IGSF21: variants seen among roughly 807,000 people sequenced by gnomAD.
The protein encoded by IGSF21 is immunoglobin superfamily member 21.
In IGSF21, 28 loss-of-function variants were observed where a neutral mutation model predicts 46.8. The ratio of observed to expected loss-of-function variants is 0.60; its 90% CI spans 0.44 to 0.82. IGSF21 has a LOEUF of 0.82. IGSF21 is among the 40% of genes least tolerant of loss of function. IGSF21 has a pLI of 0.00. For synonymous variants in IGSF21, 284 were observed against 273.6 expected, an observed-to-expected ratio of 1.04 and a Z score of -0.38; for missense variants, 624 against 665.5, an observed-to-expected ratio of 0.94 and a Z score of 0.69.
chr1:18,312,713 G>A (rs922363036), intron 3 of IGSF21, among the ~76,000 whole-genome samples: 2 of 152,166 alleles, frequency 1.3e-5, no homozygotes, highest in African/African-American at 4.8e-5. Flanking sequence ...GATCCTTGTG[G>A]GTAGTCCAGG....
At chr1:18,218,198 A>G (rs1056387480) in intron 1 of IGSF21, among the ~76,000 whole-genome samples, 1 of 152,200 alleles carries the variant, frequency 6.6e-6, no homozygotes, top group Non-Finnish European at 1.5e-5. Flanking sequence ...GGTGAAGGGG[A>G]AGCAGGCACA....
At chr1:18,146,810 T>G (rs922454362) in intron 1 of IGSF21, among the ~76,000 whole-genome samples, 1 of 152,122 alleles carries the variant, frequency 6.6e-6, no homozygotes, top group Non-Finnish European at 1.5e-5. Context: ...TCTATCTTAA[T>G]TGATCCTCAT....
chr1:18,141,412 C>T (rs1041283088), intron 1 of IGSF21, among the ~76,000 whole-genome samples: 8 of 152,204 alleles, frequency 5.3e-5, no homozygotes, highest in Non-Finnish European at 7.3e-5. Context: ...AAAGAAGGAA[C>T]TTCCCACTTT....
chr1:18,279,578 G>A (rs1475088993), intron 2 of IGSF21, among the ~76,000 whole-genome samples: 2 of 152,200 alleles, frequency 1.3e-5, no homozygotes, highest in Non-Finnish European at 1.5e-5. Flanking sequence ...CCCAGAGAGG[G>A]AATGCAAATT....
At chr1:18,139,674 A>G (rs1017060759) in intron 1 of IGSF21, among the ~76,000 whole-genome samples, 3 of 152,178 alleles carry the variant, frequency 2.0e-5, no homozygotes, top group Admixed American at 2.0e-4. Context: ...CCTAGGCCTC[A>G]TTATCTGGAT....
At chr1:18,199,984 GC>G (rs1172289837) in intron 1 of IGSF21, among the ~76,000 whole-genome samples, 8 of 152,108 alleles carry the variant, frequency 5.3e-5, no homozygotes, top group African/African-American at 1.9e-4. Context: ...GTCCAAGGGG[GC>G]TCTGGGGATC....
chr1:18,346,802 G>A (rs1318024576), intron 4 of IGSF21, among the ~76,000 whole-genome samples: 3 of 152,214 alleles, frequency 2.0e-5, no homozygotes, highest in Non-Finnish European at 1.5e-5. Flanking sequence ...TGGCTGTGCT[G>A]AGCTACCAAA....
intron 2 of IGSF21, among the ~76,000 whole-genome samples, chr1:18,278,167 A>C (rs1379834690): frequency 6.6e-6 from 1 of 151,962 alleles, no homozygotes; most frequent in East Asian, 1.9e-4. Flanking sequence ...GGATGAATGG[A>C]GGGTGGGGGG....
At chr1:18,222,596 A>G (rs1044821164) in intron 1 of IGSF21, among the ~76,000 whole-genome samples, 2 of 152,190 alleles carry the variant, frequency 1.3e-5, no homozygotes, top group African/African-American at 4.8e-5. Context: ...ACATGGGGAA[A>G]CTGAGTCCCA....
chr1:18,188,085 A>G (rs935548157), intron 1 of IGSF21, among the ~76,000 whole-genome samples: 10 of 152,240 alleles, frequency 6.6e-5, no homozygotes, highest in African/African-American at 2.4e-4. Flanking sequence ...ATAAGACACT[A>G]TTCAGCAAAG....
intron 1 of IGSF21, among the ~76,000 whole-genome samples, chr1:18,140,659 C>T (rs2005010): frequency 0.45 from 69,140 of 152,080 alleles, 16,519 homozygotes; most frequent in South Asian, 0.58. Context: ...TTCCTCTTCA[C>T]CTGGCTCATG....
At chr1:18,225,801 T>C (rs2084560656) in intron 1 of IGSF21, among the ~76,000 whole-genome samples, 1 of 152,192 alleles carries the variant, frequency 6.6e-6, no homozygotes, top group Non-Finnish European at 1.5e-5. Flanking sequence ...GTATGCAGGC[T>C]GCAGATGTAC....
chr1:18,323,998 G>C (rs1449765926), intron 3 of IGSF21, among the ~76,000 whole-genome samples: 1 of 152,010 alleles, frequency 6.6e-6, no homozygotes, highest in Non-Finnish European at 1.5e-5. Context: ...CCTGTCCAGC[G>C]CTGCCCCATC....
chr1:18,114,221 T>C (rs1017145591), intron 1 of IGSF21: 2 of 152,164 alleles, frequency 1.3e-5, no homozygotes, highest in Non-Finnish European at 2.9e-5. Flanking sequence ...ACTCAAGTTG[T>C]TCCCCGCTAG....
chr1:18,259,751 G>A (rs537295345), intron 2 of IGSF21, among the ~76,000 whole-genome samples: 7 of 152,324 alleles, frequency 4.6e-5, no homozygotes, highest in African/African-American at 1.7e-4. Flanking sequence ...GAGCCAGTGG[G>A]TGGAGAGAAC....
rs544274957 is a variant in IGSF21 at position 18,345,028 on chromosome 1, C to T, written c.424+10018C>T. ...GAAGGGGAGGAGGTATGAACACGAG[C>T]TTCCACCTCTTACCCCAGAAACCCC... On this transcript the variant is annotated intron_variant, in intron 4 of 9. Transcript: ENST00000251296. Among the ~76,000 whole-genome samples, 266 of 152,300 alleles carry T rather than the reference C, an allele frequency of 1.7e-3. 2 individuals are homozygous for T. The highest frequency in any genetic ancestry group is 3.4e-3 in the Middle Eastern group (1 of 294).
chr1:18,130,094 G>A (rs554684764), intron 1 of IGSF21, among the ~76,000 whole-genome samples: 14 of 152,252 alleles, frequency 9.2e-5, no homozygotes, highest in South Asian at 4.1e-4. Flanking sequence ...GAGTATGGGC[G>A]GCACCAGGAC....
chr1:18,234,776 G>A (rs1338725847), intron 2 of IGSF21, among the ~76,000 whole-genome samples: 1 of 151,852 alleles, frequency 6.6e-6, no homozygotes, highest in Admixed American at 6.6e-5. Flanking sequence ...TCACGAACTT[G>A]GGAACCACAG....
intron 3 of IGSF21, among the ~76,000 whole-genome samples, chr1:18,319,761 C>A (rs2124592815): frequency 6.6e-6 from 1 of 152,254 alleles, no homozygotes; most frequent in East Asian, 1.9e-4. Context: ...GCCTCCCTGA[C>A]CTCCCAGCAA....
Sources: allele counts gnomAD v4.1 joint callset (sites outside exome capture counted in the v4.1 genomes callset), GRCh38; gene constraint gnomAD v4.1.1; transcripts MANE v1.5; gene names NCBI Gene and HGNC (gene_info 2026-07-23, HGNC 2026-07-21).